The following ARNT2 variants were observed in gnomAD, a reference collection of about 807,000 sequenced individuals.
ARNT2 encodes ARNT protein 2.
In ARNT2, 36 loss-of-function variants were observed where a neutral mutation model predicts 91.7. That is an observed-to-expected ratio of 0.39 (90% CI 0.30 to 0.52). ARNT2 has a LOEUF of 0.52. Ranked by LOEUF, ARNT2 falls within the 20% of genes least tolerant of loss-of-function variation. The pLI is 0.72. For missense variants in ARNT2, 775 were observed against 939.3 expected (o/e 0.83, Z 2.29); for synonymous variants, 365 against 347.1 (o/e 1.05, Z -0.57).
chr15:80,404,523 C>G lies in ARNT2; in HGVS notation c.8C>G (p.Thr3Ser). The stretch of plus-strand genomic sequence containing the variant: ...CTATCCTCTCCGAGCAAGATGGCAA[C>G]CCCGGCGGCGGTCAACCCTCCGGGT... MA[T>S]PAAVNPPEMA... Residue 3 changes from threonine to serine, a missense_variant, in exon 1 of 19, where the codon ACC becomes AGC. By Grantham distance (58) the Thr-to-Ser change is moderately conservative. Transcript: ENST00000303329. This position sits in a 1 kb window ranked among gnomAD's most constrained non-coding sequence, Gnocchi z 5.5. 1 of 1,224,746 alleles carries G rather than the reference C, an allele frequency of 8.2e-7. No individual in the cohort carries two copies. The highest frequency in any genetic ancestry group is 1.6e-5 in the South Asian group (1 of 61,440). 75.9% of individuals were successfully genotyped at this position (1,224,746 alleles called of 1,614,324 possible).
chr15:80,406,805 TC>T (rs1234890381), intron 1 of ARNT2, among the ~76,000 whole-genome samples: 1 of 152,180 alleles, frequency 6.6e-6, no homozygotes, highest in Non-Finnish European at 1.5e-5. Context: ...AAGGGAAAAT[TC>T]CTTGAGGTGA....
chr15:80,555,100 C>A lies in ARNT2; in HGVS notation c.1125C>A (p.His375Gln). 1.2e-6 allele frequency: 2 copies of A among 1,614,194 alleles called. No homozygotes were observed. The highest frequency in any genetic ancestry group is 1.7e-6 in the Non-Finnish European group (2 of 1,180,032). The change falls in exon 11 of 19, where the codon CAC (histidine) becomes CAA (glutamine). Residue 375 changes from histidine to glutamine, a missense_variant. Transcript: ENST00000303329. ...LLGKDILEFC[H>Q]PEDQSHLRES... is the part of the protein sequence containing the mutation. ...GAAAGGACATTTTGGAATTCTGCCA[C>A]CCTGAGGATCAAAGCCATCTGCGTG...
intron 1 of ARNT2, among the ~76,000 whole-genome samples, chr15:80,423,522 G>T (rs1393956270): frequency 6.6e-6 from 1 of 152,148 alleles, no homozygotes; most frequent in Non-Finnish European, 1.5e-5. Context: ...ACTATTGATA[G>T]ATTTCCCAAG....
rs1354041157 is a variant in ARNT2, at chr15:80,591,691, C to T, written c.2042C>T (p.Thr681Ile). The change falls in exon 18 of 19, where the codon ACT (threonine) becomes ATT (isoleucine). Residue 681 changes from threonine (T) to isoleucine (I), a missense_variant. Physicochemically the swap from Thr to Ile is moderately conservative, Grantham distance 89 (BLOSUM62 -1). Around this residue, in one of 5 missense-constraint regions of ARNT2, gnomAD observed 325 missense variants for 359.9 expected, o/e 0.90. Transcript: ENST00000303329. This position sits in a 1 kb window ranked among gnomAD's most constrained non-coding sequence, Gnocchi z 5.1. The stretch of plus-strand genomic sequence containing the variant: ...CACTCCCACCAGCAGCCCGGTCAGA[C>T]TGAAGTGTTCCAGGTAAATCGAGCG... Reference protein sequence around the residue: ...EQHSHQQPGQTEVFQDMLPMP... With the variant: ...EQHSHQQPGQIEVFQDMLPMP... 1 of 1,614,060 alleles carries T rather than the reference C, an allele frequency of 6.2e-7. No individual in the cohort carries two copies. The highest frequency in any genetic ancestry group is 1.3e-5 in the African/African-American group (1 of 75,056).
intron 17 of ARNT2, among the ~76,000 whole-genome samples, chr15:80,586,597 G>T (rs1399413030): frequency 6.6e-6 from 1 of 152,176 alleles, no homozygotes. Context: ...TGGGTGTGGT[G>T]GCTCATACCT....
chr15:80,471,186 AC>A (rs1489656720), intron 4 of ARNT2, among the ~76,000 whole-genome samples: 2 of 152,250 alleles, frequency 1.3e-5, no homozygotes, highest in Non-Finnish European at 2.9e-5. Context: ...ACCATAGAAT[AC>A]TACACAGCCA....
At chr15:80,462,069 G>A (rs947151040) in intron 3 of ARNT2, among the ~76,000 whole-genome samples, 11 of 152,106 alleles carry the variant, frequency 7.2e-5, no homozygotes, top group Non-Finnish European at 7.4e-5. Context: ...TGTGTGGATG[G>A]CCCTGGTGTG....
intron 8 of ARNT2, among the ~76,000 whole-genome samples, chr15:80,530,199 C>A (rs1345042554): frequency 6.6e-6 from 1 of 152,094 alleles, no homozygotes; most frequent in African/African-American, 2.4e-5. Flanking sequence ...TATTTCAGGC[C>A]CTGACACGGG....
chr15:80,570,234 T>C (rs1423102302), intron 12 of ARNT2, among the ~76,000 whole-genome samples: 1 of 152,206 alleles, frequency 6.6e-6, no homozygotes, highest in Non-Finnish European at 1.5e-5. Flanking sequence ...TCTAGCCATG[T>C]CGCCCTGGAT....
chr15:80,433,618 A>G (rs891667864), intron 1 of ARNT2, among the ~76,000 whole-genome samples: 3 of 152,116 alleles, frequency 2.0e-5, no homozygotes, highest in African/African-American at 7.2e-5. Context: ...CATTTTATAG[A>G]AATAATTGTA....
At chr15:80,581,872 C>T (rs766702986) in intron 17 of ARNT2, among the ~76,000 whole-genome samples, 3 of 152,182 alleles carry the variant, frequency 2.0e-5, no homozygotes, top group South Asian at 2.1e-4. Context: ...GTTAAGGAAC[C>T]GCTGTGTCCT....
chr15:80,407,505 C>G (rs1241708664), intron 1 of ARNT2, among the ~76,000 whole-genome samples: 1 of 152,232 alleles, frequency 6.6e-6, no homozygotes, highest in Non-Finnish European at 1.5e-5. Context: ...CAGATATTCT[C>G]CTCATGACTT....
In ARNT2 at chr15:80,527,747, G is replaced by C. The variant is rs55793837; in HGVS notation, c.877+13342G>C. On this transcript the variant is annotated intron_variant, in intron 8 of 18. Coordinates refer to ENST00000303329, the MANE Select transcript of ARNT2 (RefSeq NM_014862.4). Reference sequence around the variant, plus strand: ...TGCACAGCTGGTAACTGGTAAGGTTGGGTTGCAAAACTAGGCTTTTTGATG... The same window carrying C: ...TGCACAGCTGGTAACTGGTAAGGTTCGGTTGCAAAACTAGGCTTTTTGATG... 6.3e-3 allele frequency among the ~76,000 whole-genome samples: 961 copies of C among 152,324 alleles called. 12 individuals carry two copies. Among genetic ancestry groups the C allele is most frequent in the African/African-American group, 0.021 (864 of 41,568 alleles).
chr15:80,415,614 GA>G (rs1466393098), intron 1 of ARNT2, among the ~76,000 whole-genome samples: 1 of 152,220 alleles, frequency 6.6e-6, no homozygotes, highest in Non-Finnish European at 1.5e-5. Context: ...GGCCATTTCG[GA>G]AGTCCACGTG....
intron 5 of ARNT2, among the ~76,000 whole-genome samples, chr15:80,478,802 T>A (rs1252164439): frequency 6.6e-6 from 1 of 152,212 alleles, no homozygotes; most frequent in Non-Finnish European, 1.5e-5. Context: ...GGGTTTCATA[T>A]GTAACCAGCC....
intron 1 of ARNT2, among the ~76,000 whole-genome samples, chr15:80,428,930 A>G (rs190787490): frequency 0.015 from 2,253 of 151,364 alleles, 71 homozygotes; most frequent in African/African-American, 0.053. Flanking sequence ...AAGATATACG[A>G]TCGATCTGAT....
chr15:80,577,830 G>A (rs769585119), intron 15 of ARNT2, among the ~76,000 whole-genome samples: 3 of 152,220 alleles, frequency 2.0e-5, no homozygotes, highest in Non-Finnish European at 4.4e-5. Context: ...AGCAGACATT[G>A]CAGGGGCTCT....
At chr15:80,531,899 C>T (rs1897746557) in intron 8 of ARNT2, among the ~76,000 whole-genome samples, 1 of 152,188 alleles carries the variant, frequency 6.6e-6, no homozygotes, top group Non-Finnish European at 1.5e-5. Context: ...CCCAGCACTT[C>T]CTTTCCCTTG....
At chr15:80,427,358 A>ATCC in intron 1 of ARNT2, among the ~76,000 whole-genome samples, 1 of 152,244 alleles carries the variant, frequency 6.6e-6, no homozygotes, top group East Asian at 1.9e-4. Context: ...GTTTAAATGA[A>ATCC]TCCTGTATTG....
Sources: gnomAD v4.1 joint callset for allele counts (sites outside exome capture counted in the v4.1 genomes callset) on GRCh38, gnomAD v4.1.1 for gene constraint, gnomAD v4.1.1 regional missense constraint, Gnocchi (gnomAD v3.1) non-coding constraint, MANE v1.5 for transcripts, NCBI Gene and HGNC (gene_info 2026-07-23, HGNC 2026-07-21) for gene names.